The following TMEM123 variants were observed in gnomAD, a reference collection of about 807,000 sequenced individuals.
TMEM123 encodes porimin.
Under a neutral mutation model 19.7 loss-of-function variants are expected in TMEM123, and 16 were observed. The ratio of observed to expected loss-of-function variants is 0.81; its 90% CI spans 0.55 to 1.23. The LOEUF (loss-of-function observed/expected upper bound fraction) is 1.23. TMEM123 is among the 50% of genes most tolerant of loss of function. The pLI, the probability that TMEM123 is intolerant of heterozygous loss-of-function variation, is 0.00. For synonymous variants in TMEM123, 118 were observed against 99.4 expected, an observed-to-expected ratio of 1.19 and a Z score of -1.12; for missense variants, 313 against 257.8, an observed-to-expected ratio of 1.21 and a Z score of -1.47.
chr11:102,435,595 G>T (rs998589286), intron 2 of TMEM123, among the ~76,000 whole-genome samples: 1 of 151,888 alleles, frequency 6.6e-6, no homozygotes, highest in African/African-American at 2.4e-5. Context: ...CAGTAAAAAT[G>T]AAAATATATG....
chr11:102,418,196 C>G (rs1952057185), intron 2 of TMEM123, among the ~76,000 whole-genome samples: 1 of 151,996 alleles, frequency 6.6e-6, no homozygotes, highest in African/African-American at 2.4e-5. Flanking sequence ...AAAGTGCAAC[C>G]TAATTAAAGA....
chr11:102,416,301 C>T (rs1486593839), intron 2 of TMEM123, among the ~76,000 whole-genome samples: 1 of 152,140 alleles, frequency 6.6e-6, no homozygotes, highest in African/African-American at 2.4e-5. Flanking sequence ...GCCAAATAAA[C>T]ACAATCAGAA....
At chr11:102,447,683 A>G (rs926087191) in intron 2 of TMEM123, among the ~76,000 whole-genome samples, 3 of 152,208 alleles carry the variant, frequency 2.0e-5, no homozygotes, top group African/African-American at 4.8e-5. Context: ...CAACTACCCA[A>G]TGATAACCAC....
intron 2 of TMEM123, among the ~76,000 whole-genome samples, chr11:102,426,859 T>TCC (rs57729827): frequency 0.16 from 642 of 4,136 alleles, 204 homozygotes; most frequent in East Asian, 0.21. Flanking sequence ...TTAAAGTAGT[T>TCC]CCCCCCCCCC....
chr11:102,430,443 C>T (rs192970293), intron 2 of TMEM123, among the ~76,000 whole-genome samples: 40 of 152,310 alleles, frequency 2.6e-4, no homozygotes, highest in Non-Finnish European at 2.8e-4. Context: ...CAGTAAACCA[C>T]AAACTCCTCT....
rs543381746 is a variant in TMEM123, at chr11:102,423,837, C to T, written c.158-21631G>A. 9.2e-5 allele frequency among the ~76,000 whole-genome samples: 14 copies of T among 152,202 alleles called. No homozygotes were observed. In the East Asian group the frequency reaches 2.5e-3, roughly 27 times the overall value. On this transcript the variant is annotated intron_variant, in intron 2 of 4. Coordinates refer to ENST00000398136, the MANE Select transcript of TMEM123 (RefSeq NM_052932.3). ...TTGGGAAGACAAAGGGAGGGAGGAACGCATACTTATTTTTTTATACACTTT... is the reference window on the plus strand; with the variant it reads ...TTGGGAAGACAAAGGGAGGGAGGAATGCATACTTATTTTTTTATACACTTT...
At chr11:102,443,280 TA>T (rs1419400130) in intron 2 of TMEM123, among the ~76,000 whole-genome samples, 9 of 152,220 alleles carry the variant, frequency 5.9e-5, no homozygotes, top group African/African-American at 2.2e-4. Flanking sequence ...GGCATCATGC[TA>T]CGTGATTTCA....
intron 2 of TMEM123, among the ~76,000 whole-genome samples, chr11:102,422,706 T>C (rs1488220509): frequency 6.6e-6 from 1 of 152,242 alleles, no homozygotes; most frequent in Non-Finnish European, 1.5e-5. Flanking sequence ...TAAAATTTTA[T>C]ATAAATAGCA....
intron 2 of TMEM123, among the ~76,000 whole-genome samples, chr11:102,414,834 A>T (rs1018114686): frequency 6.6e-6 from 1 of 152,194 alleles, no homozygotes; most frequent in Non-Finnish European, 1.5e-5. Context: ...ACAGGATCAC[A>T]TCCACACATA....
chr11:102,435,058 G>C (rs1368035615), intron 2 of TMEM123, among the ~76,000 whole-genome samples: 4 of 151,746 alleles, frequency 2.6e-5, no homozygotes, highest in Non-Finnish European at 5.9e-5. Context: ...TTCTACAACG[G>C]GCTGGGCACA....
rs926310365 is a variant in TMEM123, at chr11:102,452,276, G to A, written c.100+248C>T. The A allele has an allele frequency of 5.5e-5, 21 of 382,628 alleles. No individual in the cohort carries two copies. In the Admixed American group the frequency reaches 8.5e-4, roughly 15 times the overall value. The allele number at this position is 382,628 out of a possible 1,614,324, so 23.7% of individuals were successfully genotyped here. On this transcript the variant is annotated intron_variant, in intron 1 of 4. Transcript: ENST00000398136. The stretch of plus-strand genomic sequence containing the variant: ...AGGTTATGCGCACCCGTCCCGGCCT[G>A]CGACCGCCGCATCCAAAAAGCGAGA...
At chr11:102,449,536 G>A (rs1303206656) in intron 1 of TMEM123, 1 of 95,344 alleles carries the variant, frequency 1.0e-5, no homozygotes, top group Non-Finnish European at 2.2e-5. Context: ...TCACAAAGAT[G>A]AACTCTCCCC....
intron 2 of TMEM123, among the ~76,000 whole-genome samples, chr11:102,414,299 T>C (rs988132137): frequency 1.3e-5 from 2 of 151,900 alleles, no homozygotes; most frequent in African/African-American, 4.8e-5. Flanking sequence ...TCCATGAAAA[T>C]TTCCCCAAAC....
rs1375186650 is a variant in TMEM123, at chr11:102,398,675, A to G, written c.*192T>C. 1.7e-6 allele frequency: 1 copy of G among 592,454 alleles called. No individual in the cohort carries two copies. The highest frequency in any genetic ancestry group is 2.0e-5 in the African/African-American group (1 of 51,100). 36.7% of individuals were successfully genotyped at this position (592,454 alleles called of 1,614,324 possible). A position where few individuals can be genotyped will look rare whatever the true frequency, so the allele number is the denominator to read the frequency against. On this transcript the variant is annotated 3_prime_UTR_variant, in exon 5 of 5. Transcript: ENST00000398136. ...GTATGAACGGTCTATAAGGATCCAG[A>G]TGTTTATTTCAAAACCCAAACCCTT...
At chr11:102,410,024 A>G (rs1249874893) in intron 2 of TMEM123, among the ~76,000 whole-genome samples, 1 of 152,202 alleles carries the variant, frequency 6.6e-6, no homozygotes, top group Non-Finnish European at 1.5e-5. Flanking sequence ...AAATTTAAAA[A>G]GGGAAAAACA....
intron 2 of TMEM123, among the ~76,000 whole-genome samples, chr11:102,407,019 C>G (rs543922778): frequency 6.6e-6 from 1 of 152,108 alleles, no homozygotes; most frequent in African/African-American, 2.4e-5. Flanking sequence ...GCAGGAGGAT[C>G]TCCCAGGAAC....
At chr11:102,442,279 T>C (rs1347323532) in intron 2 of TMEM123, among the ~76,000 whole-genome samples, 2 of 152,162 alleles carry the variant, frequency 1.3e-5, no homozygotes, top group Non-Finnish European at 2.9e-5. Flanking sequence ...CTGATGAATA[T>C]CGATGCAAAA....
At chr11:102,438,912 C>A (rs568518788) in intron 2 of TMEM123, among the ~76,000 whole-genome samples, 115 of 152,320 alleles carry the variant, frequency 7.5e-4, no homozygotes, top group Non-Finnish European at 1.2e-3. Context: ...TTCCAATGGT[C>A]TTAGCAAATG....
chr11:102,412,360 G>A (rs897855123), intron 2 of TMEM123, among the ~76,000 whole-genome samples: 3 of 152,112 alleles, frequency 2.0e-5, no homozygotes, highest in Admixed American at 2.0e-4. Context: ...CCCAGGAGGC[G>A]GAGGTTGCAG....
Sources: gnomAD v4.1 joint callset for allele counts (sites outside exome capture counted in the v4.1 genomes callset) on GRCh38, gnomAD v4.1.1 for gene constraint, MANE v1.5 for transcripts, NCBI Gene and HGNC (gene_info 2026-07-23, HGNC 2026-07-21) for gene names.